HMCN1: variants seen among roughly 807,000 people sequenced by gnomAD.
HMCN1 encodes the protein hemicentin-1.
In HMCN1, 321 loss-of-function variants were observed where a neutral mutation model predicts 625.9. The ratio of observed to expected loss-of-function variants is 0.51; its 90% CI spans 0.47 to 0.56. HMCN1 has a LOEUF of 0.56. Among genes scored for constraint, HMCN1 ranks in the 20% least tolerant of loss-of-function variants. The pLI is 0.00. For synonymous variants in HMCN1, 2,425 were observed against 2,417.6 expected, an observed-to-expected ratio of 1.00 and a Z score of -0.09; for missense variants, 6,588 against 6,887.3, an observed-to-expected ratio of 0.96 and a Z score of 1.54.
intron 4 of HMCN1, among the ~76,000 whole-genome samples, chr1:185,906,526 A>G (rs1666103426): frequency 6.6e-6 from 1 of 151,896 alleles, no homozygotes; most frequent in African/African-American, 2.4e-5. Context: ...CAAGACTTGG[A>G]GACTTCCATG....
At chr1:186,038,162 A>G in intron 37 of HMCN1, 127 bp downstream of exon 37, 1 of 694,428 alleles carries the variant, frequency 1.4e-6, no homozygotes. Context: ...CATGGGTGAA[A>G]CATTGATAAG....
intron 37 of HMCN1, among the ~76,000 whole-genome samples, chr1:186,038,425 T>C (rs1655981012): frequency 6.6e-6 from 1 of 152,174 alleles, no homozygotes; most frequent in Non-Finnish European, 1.5e-5. Context: ...CCACCACTGG[T>C]AGATTATTCA....
Position 186,186,998 on chromosome 1 carries a change from A to T in HMCN1, c.16415-885A>T, listed in dbSNP as rs1283302602. ...CTCACATTCTCTGTCTCTGTCTCAC[A>T]CACACACACACACACACACACACAC... On this transcript the variant is annotated intron_variant, in intron 105 of 106. Transcript: ENST00000271588. Among the ~76,000 whole-genome samples the T allele has an allele frequency of 6.8e-5, 5 of 73,232 alleles. No individual in the cohort carries two copies. In the South Asian group the frequency reaches 1.2e-3, roughly 17 times the overall value. The allele number at this position is 73,232 out of a possible 152,430, so 48.0% of individuals were successfully genotyped here. A position where few individuals can be genotyped will look rare whatever the true frequency, so the allele number is the denominator to read the frequency against.
chr1:185,902,243 T>A (rs1665842814), intron 4 of HMCN1, among the ~76,000 whole-genome samples: 1 of 148,036 alleles, frequency 6.8e-6, no homozygotes, highest in African/African-American at 2.6e-5. Flanking sequence ...TTATATAAAT[T>A]TTTTTTTTGT....
At chr1:185,925,443 T>C (rs1237231286) in intron 9 of HMCN1, among the ~76,000 whole-genome samples, 2 of 152,212 alleles carry the variant, frequency 1.3e-5, no homozygotes, top group Non-Finnish European at 2.9e-5. Flanking sequence ...TCATGTGTTA[T>C]AGAATCTGAA....
intron 15 of HMCN1, among the ~76,000 whole-genome samples, chr1:185,973,382 G>T (rs1407355738): frequency 1.3e-5 from 2 of 152,018 alleles, no homozygotes; most frequent in Non-Finnish European, 2.9e-5. Flanking sequence ...CACCATTTCA[G>T]CTTAATTTTT....
rs746818909 is a variant in HMCN1 at position 186,015,418 on chromosome 1, A to T, written c.4890A>T (p.Ser1630=). ...ATGTTGCTGGAACTGCTGAAAAATC[A>T]TTCCATGTGGATGTCTATGGTGAGG... The part of the protein sequence containing the change: ...VANVAGTAEK[S]FHVDVYVPPM... Residue 1630 remains serine (S), a synonymous_variant, in exon 31 of 107, where the codon TCA becomes TCT. Transcript: ENST00000271588. The T allele has an allele frequency of 2.5e-6, 4 of 1,613,502 alleles. No homozygotes were observed. In the East Asian group the frequency reaches 8.9e-5, roughly 36 times the overall value.
chr1:186,086,427 A>G lies in HMCN1; in HGVS notation c.9046+20A>G. The G allele has an allele frequency of 6.2e-7, 1 of 1,610,664 alleles. No individual in the cohort carries two copies. Among genetic ancestry groups the G allele is most frequent in the South Asian group, 1.1e-5 (1 of 90,996 alleles). ...TGCCTGGTAAGGAACTTCTTATTAT[A>G]AAGCAGGCAAAATTTTCTCATCTTT... is the stretch of plus-strand genomic sequence containing the variant. On this transcript the variant is annotated intron_variant, in intron 58 of 106. Coordinates refer to ENST00000271588, the MANE Select transcript of HMCN1 (RefSeq NM_031935.3).
At chr1:186,054,415 C>T (rs1657171674) in intron 44 of HMCN1, among the ~76,000 whole-genome samples, 1 of 152,062 alleles carries the variant, frequency 6.6e-6, no homozygotes, top group East Asian at 1.9e-4. Flanking sequence ...TAAGACAAAA[C>T]TGTCGCCTCC....
chr1:186,076,309 T>TG (rs1433956570), intron 53 of HMCN1, 119 bp from the exon 54 acceptor site: 1 of 1,046,510 alleles, frequency 9.6e-7, no homozygotes, highest in Non-Finnish European at 1.4e-6. Context: ...CGTCAGTACT[T>TG]GAAATTATTT....
At chr1:185,915,070 G>C (rs1244624660) in intron 6 of HMCN1, among the ~76,000 whole-genome samples, 1 of 151,886 alleles carries the variant, frequency 6.6e-6, no homozygotes, top group African/African-American at 2.4e-5. Context: ...GATTTTTCTG[G>C]TAAGTACTTT....
rs1653392392 is a variant in HMCN1, at chr1:186,004,189, T to C, written c.4475+345T>C. Among the ~76,000 whole-genome samples, 3 of 152,126 alleles carry C rather than the reference T, an allele frequency of 2.0e-5. No homozygotes were observed. The South Asian group carries it at 6.2e-4, about 31-fold the overall frequency. On this transcript the variant is annotated intron_variant, in intron 29 of 106. Transcript: ENST00000271588. ...TGAACTGTCTTATTAAAAAGGAAAA[T>C]GTGTTTATGACAGCAAAATGAATAC...
chr1:185,938,714 C>T (rs566089393), intron 11 of HMCN1, among the ~76,000 whole-genome samples: 1 of 152,172 alleles, frequency 6.6e-6, no homozygotes, highest in African/African-American at 2.4e-5. Flanking sequence ...CCTTCACCAT[C>T]ACTTTAACAG....
At chr1:185,854,878 A>G (rs1662368552) in intron 2 of HMCN1, among the ~76,000 whole-genome samples, 1 of 152,238 alleles carries the variant, frequency 6.6e-6, no homozygotes, top group African/African-American at 2.4e-5. Context: ...TTTTTACCAC[A>G]TTAAATAATC....
At chr1:186,180,963 C>G (rs1652893538) in intron 104 of HMCN1, among the ~76,000 whole-genome samples, 1 of 152,114 alleles carries the variant, frequency 6.6e-6, no homozygotes, top group Non-Finnish European at 1.5e-5. Context: ...CAAATTAACA[C>G]TATGAAATCT....
rs74134220 is a variant in HMCN1 at position 185,940,334 on chromosome 1, T to G, written c.1828+6510T>G. On this transcript the variant is annotated intron_variant, in intron 11 of 106. Coordinates refer to ENST00000271588, the MANE Select transcript of HMCN1 (RefSeq NM_031935.3). ...CTTTAGCTTTCATGTATTAGTACTT[T>G]GATTTTCTTTGTCATGTTCCATTTC... Among the ~76,000 whole-genome samples, 491 of 152,284 alleles carry G rather than the reference T, an allele frequency of 3.2e-3. 6 individuals carry two copies. Among genetic ancestry groups the G allele is most frequent in the African/African-American group, 0.011 (471 of 41,576 alleles).
In HMCN1 at chr1:186,130,706, C is replaced by T. The variant is rs573598298; in HGVS notation, c.13230+9C>T. On this transcript the variant is annotated intron_variant, in intron 85 of 106. Coordinates refer to ENST00000271588, the MANE Select transcript of HMCN1 (RefSeq NM_031935.3). ...CCATCTATGGCACTGTTGTAAGTCA[C>T]GCCAGAATGATTGATGCACCTTTAA... 5.9e-5 allele frequency: 95 copies of T among 1,611,216 alleles called. 1 individual carries two copies. Among genetic ancestry groups the T allele is most frequent in the Middle Eastern group, 2.0e-4 (1 of 4,892 alleles).
rs369620574 is a variant in HMCN1 at position 186,093,642 on chromosome 1, G to T, written c.10169G>T (p.Arg3390Leu). Residue 3390 changes from arginine to leucine, a missense_variant, in exon 66 of 107, where the codon CGG becomes CTG. Around this residue, in one of 3 missense-constraint regions of HMCN1, gnomAD observed 4,628 missense variants for 4,853.1 expected, o/e 0.95. Coordinates refer to ENST00000271588, the MANE Select transcript of HMCN1 (RefSeq NM_031935.3). Reference sequence around the variant, plus strand: ...CCTCTGCCTCTCTCCTCCCATATCCGGTTACTGGCAGCAGGACAAGTTATC... The same window carrying T: ...CCTCTGCCTCTCTCCTCCCATATCCTGTTACTGGCAGCAGGACAAGTTATC... ...GLPLPLSSHI[R>L]LLAAGQVIRI... 2.5e-6 allele frequency: 4 copies of T among 1,613,148 alleles called. No individual in the cohort carries two copies. The Admixed American group carries it at 5.0e-5, about 20-fold the overall frequency.
intron 1 of HMCN1, among the ~76,000 whole-genome samples, chr1:185,762,620 G>A (rs2102125747): frequency 6.6e-6 from 1 of 152,270 alleles, no homozygotes; most frequent in African/African-American, 2.4e-5. Flanking sequence ...AAGTCAGGCA[G>A]AGAGGCTAAC....
Sources: allele counts gnomAD v4.1 joint callset (sites outside exome capture counted in the v4.1 genomes callset), GRCh38; gene constraint gnomAD v4.1.1; regional missense constraint gnomAD v4.1.1; transcripts MANE v1.5; gene names NCBI Gene and HGNC (gene_info 2026-07-23, HGNC 2026-07-21).